Variants in ESRRB observed in about 807,000 individuals in gnomAD.
The protein encoded by ESRRB is steroid hormone receptor ERR2.
In ESRRB, 16 loss-of-function variants were observed where a neutral mutation model predicts 46.0. The observed-to-expected ratio is 0.35, with a 90% CI of 0.24 to 0.53. ESRRB has a LOEUF of 0.53. ESRRB is among the 20% of genes least tolerant of loss of function. The pLI, the probability that ESRRB is intolerant of heterozygous loss-of-function variation, is 0.93. For missense variants in ESRRB, 488 were observed against 607.4 expected (o/e 0.80, Z 2.07); for synonymous variants, 246 against 259.6 (o/e 0.95, Z 0.50).
intron 1 of ESRRB, among the ~76,000 whole-genome samples, chr14:76,340,791 C>T (rs1248413409): frequency 6.6e-6 from 1 of 152,166 alleles, no homozygotes; most frequent in Non-Finnish European, 1.5e-5. Context: ...AGGCACAATG[C>T]AGCAGGTTGG....
At chr14:76,470,912 C>T (rs1430192586) in intron 3 of ESRRB, among the ~76,000 whole-genome samples, 2 of 152,298 alleles carry the variant, frequency 1.3e-5, no homozygotes, top group East Asian at 1.9e-4. Context: ...AGGCTGGTCT[C>T]GAACCCCTGG....
chr14:76,413,163 G>A (rs1176578521), intron 1 of ESRRB, among the ~76,000 whole-genome samples: 4 of 152,278 alleles, frequency 2.6e-5, no homozygotes, highest in Non-Finnish European at 5.9e-5. Context: ...AGAGCTGGGC[G>A]CAGGCAGTCA....
chr14:76,500,817 TA>T lies in ESRRB; in HGVS notation c.*2360del. ...GAGTGACCTCACTTCAGAGCCCCTC[TA>T]GCAGAGTGGGGCGGAAGTCCTGATG... On this transcript the variant is annotated 3_prime_UTR_variant, in exon 7 of 7. Transcript: ENST00000644823. 7.3e-7 allele frequency: 1 copy of T among 1,378,290 alleles called. No individual in the cohort carries two copies. The highest frequency in any genetic ancestry group is 1.0e-6 in the Non-Finnish European group (1 of 965,208). 85.4% of individuals were successfully genotyped at this position (1,378,290 alleles called of 1,614,324 possible). A position where few individuals can be genotyped will look rare whatever the true frequency, so the allele number is the denominator to read the frequency against.
chr14:76,400,584 C>T (rs185631632), intron 1 of ESRRB, among the ~76,000 whole-genome samples: 1 of 152,130 alleles, frequency 6.6e-6, no homozygotes, highest in Non-Finnish European at 1.5e-5. Flanking sequence ...TGACAAATAG[C>T]GTCAACTTTG....
chr14:76,482,147 T>G lies in ESRRB; in HGVS notation c.688+21T>G. The G allele has an allele frequency of 6.4e-7, 1 of 1,566,092 alleles. No homozygotes were observed. Among genetic ancestry groups the G allele is most frequent in the Non-Finnish European group, 8.8e-7 (1 of 1,136,308 alleles). On this transcript the variant is annotated intron_variant, in intron 4 of 6. Transcript: ENST00000644823. This position sits in a 1 kb window ranked among gnomAD's most constrained non-coding sequence, Gnocchi z 4.3. The stretch of plus-strand genomic sequence containing the variant: ...GCCATGTGAGTGTCAGGGCAGTCCC[T>G]GCCCCTTTTGCCAGCATCTGTACCT...
At chr14:76,363,278 C>T (rs1252490701) in intron 1 of ESRRB, among the ~76,000 whole-genome samples, 2 of 152,154 alleles carry the variant, frequency 1.3e-5, no homozygotes, top group Non-Finnish European at 2.9e-5. Flanking sequence ...CCAAAGGGGA[C>T]CTCCTAATTT....
At chr14:76,331,475 C>T (rs1039106991) in intron 1 of ESRRB, among the ~76,000 whole-genome samples, 6 of 152,168 alleles carry the variant, frequency 3.9e-5, no homozygotes, top group Admixed American at 3.3e-4. Context: ...TTCGCTCCTG[C>T]TCTTAAAGAC....
At chr14:76,342,907 A>G (rs1031563155) in intron 1 of ESRRB, among the ~76,000 whole-genome samples, 5 of 152,208 alleles carry the variant, frequency 3.3e-5, no homozygotes, top group African/African-American at 1.2e-4. Context: ...ATGTTCCAGT[A>G]GAAAAATGGG....
At chr14:76,350,299 C>T (rs1024684989) in intron 1 of ESRRB, among the ~76,000 whole-genome samples, 5 of 152,236 alleles carry the variant, frequency 3.3e-5, no homozygotes, top group Non-Finnish European at 7.3e-5. Context: ...ATGTGCCTAG[C>T]TTCCTTTGAT....
rs773874098 is a variant in ESRRB at position 76,376,516 on chromosome 14, C to T, written c.50+65C>T. ...GTCTGGCAGTCTCTGTCCTGGGGAT[C>T]GCAGTTCCTTTTCTGCACATTCTTG... On this transcript the variant is annotated intron_variant, in intron 1 of 6. Coordinates refer to ENST00000644823, the MANE Select transcript of ESRRB (RefSeq NM_001379180.1). This position sits in a 1 kb window ranked among gnomAD's most constrained non-coding sequence, Gnocchi z 4.1. The T allele has an allele frequency of 8.7e-6, 10 of 1,148,114 alleles. No homozygotes were observed. The highest frequency in any genetic ancestry group is 1.1e-5 in the Non-Finnish European group (10 of 911,626). The allele number at this position is 1,148,114 out of a possible 1,614,324, so 71.1% of individuals were successfully genotyped here. A position where few individuals can be genotyped will look rare whatever the true frequency, so the allele number is the denominator to read the frequency against.
chr14:76,322,663 C>T (rs917095426), intron 1 of ESRRB, among the ~76,000 whole-genome samples: 32 of 152,210 alleles, frequency 2.1e-4, no homozygotes, highest in African/African-American at 7.2e-5. Context: ...TTGGGGGACA[C>T]GAACATGTTC....
chr14:76,447,242 TCTCCTTC>T (rs1229065866), intron 2 of ESRRB, among the ~76,000 whole-genome samples: 5 of 132,022 alleles, frequency 3.8e-5, no homozygotes, highest in Non-Finnish European at 6.6e-5. Flanking sequence ...TTTTCTAAAG[TCTCCTTC>T]CTTCCTTCCT....
At chr14:76,429,929 C>T (rs1887368022) in intron 1 of ESRRB, among the ~76,000 whole-genome samples, 1 of 151,982 alleles carries the variant, frequency 6.6e-6, no homozygotes, top group African/African-American at 2.4e-5. Context: ...GTTCGTAACA[C>T]TTAACCATTG....
chr14:76,346,338 C>T (rs1270652462), intron 1 of ESRRB, among the ~76,000 whole-genome samples: 1 of 152,196 alleles, frequency 6.6e-6, no homozygotes, highest in African/African-American at 2.4e-5. Flanking sequence ...GCTAACCCCT[C>T]TGATCGGCTG....
chr14:76,322,257 T>C (rs1270500027), intron 1 of ESRRB, among the ~76,000 whole-genome samples: 1 of 152,226 alleles, frequency 6.6e-6, no homozygotes, highest in Non-Finnish European at 1.5e-5. Context: ...CAGCCCTCTG[T>C]TAATCAGTCT....
chr14:76,345,717 G>A (rs1463101134), intron 1 of ESRRB, among the ~76,000 whole-genome samples: 1 of 152,222 alleles, frequency 6.6e-6, no homozygotes, highest in Admixed American at 6.5e-5. Flanking sequence ...GAAAAGTGTT[G>A]TGCTTTTCAA....
At chr14:76,332,572 T>TCA (rs1236546922) in intron 1 of ESRRB, among the ~76,000 whole-genome samples, 1 of 29,144 alleles carries the variant, frequency 3.4e-5, no homozygotes, top group African/African-American at 1.0e-4. Context: ...TTTATATATT[T>TCA]ATATATTATA....
upstream of ESRRB, among the ~76,000 whole-genome samples, chr14:76,368,126 CTTTT>C (rs751709764): frequency 0.13 from 16,532 of 124,340 alleles, 862 homozygotes; most frequent in South Asian, 0.18. Flanking sequence ...CTAATTTTTC[CTTTT>C]TTTTTTTTTT....
In ESRRB at chr14:76,462,706, G is replaced by C. The variant is rs373306461; in HGVS notation, c.577+45G>C. 153 of 1,467,172 alleles carry C rather than the reference G, an allele frequency of 1.0e-4. 1 individual carries two copies. The African/African-American group carries it at 1.9e-3, about 18-fold the overall frequency. The allele number at this position is 1,467,172 out of a possible 1,614,324, so 90.9% of individuals were successfully genotyped here. A position where few individuals can be genotyped will look rare whatever the true frequency, so the allele number is the denominator to read the frequency against. On this transcript the variant is annotated intron_variant, in intron 3 of 6. Coordinates refer to ENST00000644823, the MANE Select transcript of ESRRB (RefSeq NM_001379180.1). ...CGGGGTTCACTGTGAGGCTCTGCTT[G>C]CTGGGGAGTTTTTGTCCCCTGTGAG...
Sources: gnomAD v4.1 joint callset for allele counts (sites outside exome capture counted in the v4.1 genomes callset) on GRCh38, gnomAD v4.1.1 for gene constraint, Gnocchi (gnomAD v3.1) non-coding constraint, MANE v1.5 for transcripts, NCBI Gene and HGNC (gene_info 2026-07-23, HGNC 2026-07-21) for gene names.